The following NALF1 variants were observed in gnomAD, a reference collection of about 807,000 sequenced individuals.
NALF1 encodes NALCN channel auxiliary factor 1.
A neutral mutation model predicts 48.4 loss-of-function variants in NALF1; 3 were observed. That is an observed-to-expected ratio of 0.06 (90% CI 0.03 to 0.16). NALF1 has a LOEUF of 0.16. NALF1 is among the 10% of genes least tolerant of loss of function. NALF1 has a pLI of 1.00. For synonymous variants in NALF1, 262 were observed against 245.7 expected (o/e 1.07, Z -0.62); for missense variants, 526 against 571.5 (o/e 0.92, Z 0.81).
At chr13:107,519,456 C>G (rs909150458) in intron 1 of NALF1, among the ~76,000 whole-genome samples, 4 of 152,018 alleles carry the variant, frequency 2.6e-5, no homozygotes, top group African/African-American at 9.7e-5. Flanking sequence ...AAAAAACCTA[C>G]TGTTTTAAGA....
intron 1 of NALF1, among the ~76,000 whole-genome samples, chr13:107,444,919 T>C (rs543872829): frequency 1.3e-5 from 2 of 152,030 alleles, no homozygotes; most frequent in African/African-American, 2.4e-5. Context: ...GTTGCAGAAA[T>C]TTTTTTTATA....
At chr13:107,571,292 G>C (rs1160797010) in intron 1 of NALF1, among the ~76,000 whole-genome samples, 1 of 152,156 alleles carries the variant, frequency 6.6e-6, no homozygotes, top group Non-Finnish European at 1.5e-5. Context: ...AAAGACCAAA[G>C]TATGATTAGA....
chr13:107,464,366 A>C (rs1055611683), intron 1 of NALF1, among the ~76,000 whole-genome samples: 1 of 152,168 alleles, frequency 6.6e-6, no homozygotes, highest in Admixed American at 6.5e-5. Flanking sequence ...TGGATTTTAG[A>C]AGGGGGCAGC....
At chr13:107,331,191 A>G (rs1389100404) in intron 1 of NALF1, among the ~76,000 whole-genome samples, 1 of 152,202 alleles carries the variant, frequency 6.6e-6, no homozygotes, top group East Asian at 1.9e-4. Flanking sequence ...CTGCTTTATA[A>G]AACTTTTTTT....
rs200585846 is a variant in NALF1 at position 107,650,158 on chromosome 13, G to A, written c.915+215524C>T. Among the ~76,000 whole-genome samples the A allele has an allele frequency of 5.3e-5, 8 of 152,132 alleles. No homozygotes were observed. In the East Asian group the frequency reaches 1.6e-3, roughly 30 times the overall value. ...TGGCATATCCTACACTGTCATTAATGATATAGTTTCGATTTATCTGATAAG... is the reference window on the plus strand; with the variant it reads ...TGGCATATCCTACACTGTCATTAATAATATAGTTTCGATTTATCTGATAAG... On this transcript the variant is annotated intron_variant, in intron 1 of 2. Transcript: ENST00000375915.
intron 1 of NALF1, among the ~76,000 whole-genome samples, chr13:107,554,388 A>G (rs1877392014): frequency 6.6e-6 from 1 of 152,232 alleles, no homozygotes; most frequent in Non-Finnish European, 1.5e-5. Flanking sequence ...GGCCTGAGTC[A>G]GAGAATCTGC....
In NALF1 at chr13:107,438,827, C is replaced by CAAAAAAAAAAAAAAAAAAAA; in HGVS notation, c.916-228092_916-228073dup. ...TGGATGACAGAGTGAGACTCCATCT[C>CAAAAAAAAAAAAAAAAAAAA]AAAAAAAAAAAAAAAAAAAAAAAAG... On this transcript the variant is annotated intron_variant, in intron 1 of 2. Transcript: ENST00000375915. Among the ~76,000 whole-genome samples, 40 of 17,946 alleles carry CAAAAAAAAAAAAAAAAAAAA rather than the reference C, an allele frequency of 2.2e-3. 2 individuals carry two copies. The highest frequency in any genetic ancestry group is 4.2e-3 in the Admixed American group (4 of 958). The allele number at this position is 17,946 out of a possible 152,430, so 11.8% of individuals were successfully genotyped here.
In NALF1 at chr13:107,168,351, T is replaced by G. The variant is rs1878710436; in HGVS notation, c.*2146A>C. On this transcript the variant is annotated 3_prime_UTR_variant, in exon 3 of 3. Transcript: ENST00000375915. ...TCTACAAGTGTTTCACAGTCAACAATTCCATGCAATTAATGTGTCTCCCCC... is the reference window on the plus strand; with the variant it reads ...TCTACAAGTGTTTCACAGTCAACAAGTCCATGCAATTAATGTGTCTCCCCC... 1 of 152,196 alleles carries G rather than the reference T, an allele frequency of 6.6e-6. No homozygotes were observed. Among genetic ancestry groups the G allele is most frequent in the African/African-American group, 2.4e-5 (1 of 41,452 alleles). The allele number at this position is 152,196 out of a possible 1,614,324, so 9.4% of individuals were successfully genotyped here. A position where few individuals can be genotyped will look rare whatever the true frequency, so the allele number is the denominator to read the frequency against.
At chr13:107,320,555 T>C (rs543795323) in intron 1 of NALF1, among the ~76,000 whole-genome samples, 13 of 152,158 alleles carry the variant, frequency 8.5e-5, no homozygotes, top group African/African-American at 3.1e-4. Context: ...GAATGGGTAA[T>C]AAAAAGCAAA....
At chr13:107,359,809 C>G (rs1233313991) in intron 1 of NALF1, among the ~76,000 whole-genome samples, 1 of 151,970 alleles carries the variant, frequency 6.6e-6, no homozygotes, top group Non-Finnish European at 1.5e-5. Context: ...AGTGTGTGTT[C>G]CCAGACAACA....
At chr13:107,569,705 T>C (rs1282475221) in intron 1 of NALF1, among the ~76,000 whole-genome samples, 1 of 152,192 alleles carries the variant, frequency 6.6e-6, no homozygotes, top group Non-Finnish European at 1.5e-5. Context: ...TTTTCAAAAT[T>C]GTCTTGAATA....
chr13:107,606,980 G>A (rs1365657682), intron 1 of NALF1, among the ~76,000 whole-genome samples: 7 of 152,126 alleles, frequency 4.6e-5, no homozygotes, highest in Non-Finnish European at 2.9e-5. Flanking sequence ...GCTTATAATT[G>A]GAGGTAATTC....
intron 1 of NALF1, among the ~76,000 whole-genome samples, chr13:107,354,148 T>G (rs1165936537): frequency 6.6e-6 from 1 of 152,126 alleles, no homozygotes; most frequent in Non-Finnish European, 1.5e-5. Context: ...ATAAACAGCA[T>G]TTTATTTTGT....
At chr13:107,430,645 C>G (rs909715184) in intron 1 of NALF1, among the ~76,000 whole-genome samples, 1 of 152,122 alleles carries the variant, frequency 6.6e-6, no homozygotes, top group Non-Finnish European at 1.5e-5. Flanking sequence ...TTTTTTATGG[C>G]TGCATAGTAT....
At chr13:107,660,348 T>C (rs1358678436) in intron 1 of NALF1, among the ~76,000 whole-genome samples, 1 of 150,366 alleles carries the variant, frequency 6.7e-6, no homozygotes, top group Non-Finnish European at 1.5e-5. Flanking sequence ...GGCAGGAGAA[T>C]TGCTTGAACC....
At chr13:107,307,601 AG>A in intron 1 of NALF1, among the ~76,000 whole-genome samples, 1 of 147,658 alleles carries the variant, frequency 6.8e-6, no homozygotes. Context: ...CTCCTGCCTC[AG>A]GTTCCTGAGT....
chr13:107,638,509 G>A (rs1409955943), intron 1 of NALF1, among the ~76,000 whole-genome samples: 1 of 152,028 alleles, frequency 6.6e-6, no homozygotes, highest in Non-Finnish European at 1.5e-5. Context: ...GTCCCTGCTT[G>A]AAGGAGTCTC....
chr13:107,346,307 C>T (rs1473054831), intron 1 of NALF1, among the ~76,000 whole-genome samples: 4 of 152,112 alleles, frequency 2.6e-5, no homozygotes, highest in Non-Finnish European at 4.4e-5. Flanking sequence ...AACAGGATCT[C>T]GAAGAGATAT....
chr13:107,284,233 G>C (rs933798453), intron 1 of NALF1, among the ~76,000 whole-genome samples: 2 of 152,112 alleles, frequency 1.3e-5, no homozygotes, highest in African/African-American at 4.8e-5. Flanking sequence ...TGCTTACAAA[G>C]ACCCTGGAGA....
Sources: allele counts gnomAD v4.1 joint callset (sites outside exome capture counted in the v4.1 genomes callset), GRCh38; gene constraint gnomAD v4.1.1; transcripts MANE v1.5; gene names NCBI Gene and HGNC (gene_info 2026-07-23, HGNC 2026-07-21).